Variants in CPNE8 observed in about 807,000 individuals in gnomAD.
CPNE8 encodes copine 8, also known as copine-8.
In CPNE8, 45 loss-of-function variants were observed where a neutral mutation model predicts 81.5. The observed-to-expected ratio is 0.55, with a 90% confidence interval of 0.44 to 0.71. The LOEUF (loss-of-function observed/expected upper bound fraction) is 0.71, where lower values mean the gene tolerates loss of function less well. Ranked by LOEUF, CPNE8 falls within the 30% of genes least tolerant of loss-of-function variation. The pLI is 0.00. For missense variants in CPNE8, 594 were observed against 672.1 expected (o/e 0.88, Z 1.28); for synonymous variants, 252 against 226.3 (o/e 1.11, Z -1.02).
chr12:38,844,007 G>C (rs2137048915), intron 4 of CPNE8, among the ~76,000 whole-genome samples: 1 of 152,274 alleles, frequency 6.6e-6, no homozygotes, highest in East Asian at 1.9e-4. Flanking sequence ...CTTCGACATT[G>C]TTAAGGGAGC....
chr12:38,724,917 A>C lies in CPNE8; in HGVS notation c.799-18T>G. 6.6e-7 allele frequency: 1 copy of C among 1,519,092 alleles called. No homozygotes were observed. Among genetic ancestry groups the C allele is most frequent in the Non-Finnish European group, 9.0e-7 (1 of 1,106,452 alleles). The allele number at this position is 1,519,092 out of a possible 1,614,324, so 94.1% of individuals were successfully genotyped here. On this transcript the variant is annotated intron_variant, in intron 11 of 19. Transcript: ENST00000331366. ...TTCACCACCTTAAAAAGCAGATAAA[A>C]CAATTAAAATGTGTTAGGTTTTATA...
intron 16 of CPNE8, chr12:38,679,595 T>C (rs1310019104): frequency 2.0e-6 from 2 of 985,040 alleles, no homozygotes; most frequent in South Asian, 4.7e-5. Context: ...TTTTAAGTTC[T>C]GTCCAATCCA....
chr12:38,691,947 A>C (rs1352645016), intron 15 of CPNE8, among the ~76,000 whole-genome samples: 2 of 152,174 alleles, frequency 1.3e-5, no homozygotes, highest in Non-Finnish European at 2.9e-5. Flanking sequence ...TGGAGAGGAC[A>C]GACTGAAACC....
chr12:38,851,969 C>A (rs1313809662), intron 3 of CPNE8, among the ~76,000 whole-genome samples: 2 of 152,134 alleles, frequency 1.3e-5, no homozygotes, highest in African/African-American at 4.8e-5. Context: ...ATGTTCTTAA[C>A]CCCATCCTTG....
At chr12:38,742,457 C>T (rs959112216) in intron 10 of CPNE8, among the ~76,000 whole-genome samples, 6 of 148,748 alleles carry the variant, frequency 4.0e-5, no homozygotes, top group Non-Finnish European at 7.4e-5. Flanking sequence ...CATGTTCTCA[C>T]TCACAGGTTG....
chr12:38,679,116 A>T (rs993114653), intron 16 of CPNE8, among the ~76,000 whole-genome samples: 4 of 151,896 alleles, frequency 2.6e-5, no homozygotes, highest in African/African-American at 4.8e-5. Context: ...CATGAGAATA[A>T]TGAAAGACTC....
intron 6 of CPNE8, among the ~76,000 whole-genome samples, chr12:38,795,874 T>TAGATAGATAGAC (rs1418593688): frequency 4.6e-5 from 7 of 151,542 alleles, no homozygotes; most frequent in Admixed American, 2.6e-4. Flanking sequence ...GATGGATAGA[T>TAGATAGATAGAC]AGATAGATAG....
intron 5 of CPNE8, among the ~76,000 whole-genome samples, chr12:38,830,759 T>C (rs7315047): frequency 0.21 from 32,628 of 152,108 alleles, 6,121 homozygotes; most frequent in African/African-American, 0.51. Context: ...AAAGCCAACC[T>C]ATGGTGAGGA....
chr12:38,898,900 T>A (rs1337233698), intron 1 of CPNE8, among the ~76,000 whole-genome samples: 1 of 152,158 alleles, frequency 6.6e-6, no homozygotes, highest in Non-Finnish European at 1.5e-5. Flanking sequence ...GCAAAGGATA[T>A]GCCACCAGTG....
intron 2 of CPNE8, among the ~76,000 whole-genome samples, chr12:38,873,989 T>G (rs1944028163): frequency 6.6e-6 from 1 of 151,394 alleles, no homozygotes; most frequent in African/African-American, 2.4e-5. Context: ...CGGGGTTGGG[T>G]GGGTCTCACT....
intron 19 of CPNE8, among the ~76,000 whole-genome samples, chr12:38,662,695 C>T (rs2136636419): frequency 6.6e-6 from 1 of 152,034 alleles, no homozygotes; most frequent in East Asian, 1.9e-4. Flanking sequence ...AATTCTGAGC[C>T]ACAAGAAGAA....
At chr12:38,899,124 C>G (rs144796560) in intron 1 of CPNE8, among the ~76,000 whole-genome samples, 1 of 152,180 alleles carries the variant, frequency 6.6e-6, no homozygotes, top group Non-Finnish European at 1.5e-5. Context: ...GAACTTGACA[C>G]TACCACTTCT....
At chr12:38,735,359 G>C (rs1158367336) in intron 10 of CPNE8, among the ~76,000 whole-genome samples, 1 of 152,032 alleles carries the variant, frequency 6.6e-6, no homozygotes, top group Non-Finnish European at 1.5e-5. Context: ...GTTTAAATCT[G>C]TATTTGTGGG....
intron 17 of CPNE8, among the ~76,000 whole-genome samples, chr12:38,676,843 C>T (rs756515148): frequency 1.7e-4 from 26 of 152,086 alleles, no homozygotes; most frequent in Non-Finnish European, 1.2e-4. Context: ...TTACCAAGTC[C>T]ATATTTTAAA....
At chr12:38,793,105 C>T (rs1942365626) in intron 6 of CPNE8, among the ~76,000 whole-genome samples, 1 of 151,442 alleles carries the variant, frequency 6.6e-6, no homozygotes. Flanking sequence ...ATGAAAAGTC[C>T]ACAGCAACCA....
intron 6 of CPNE8, among the ~76,000 whole-genome samples, chr12:38,826,433 A>G (rs953931122): frequency 2.0e-5 from 3 of 152,216 alleles, no homozygotes; most frequent in Non-Finnish European, 4.4e-5. Context: ...CCCTCATTAC[A>G]CTATATGAAA....
intron 6 of CPNE8, among the ~76,000 whole-genome samples, chr12:38,784,345 A>T (rs994077853): frequency 7.9e-5 from 12 of 152,162 alleles, no homozygotes; most frequent in Admixed American, 3.3e-4. Context: ...AGAATGAAAA[A>T]CAAAAAAGCA....
chr12:38,788,642 G>A (rs765711489), intron 6 of CPNE8, among the ~76,000 whole-genome samples: 1 of 151,468 alleles, frequency 6.6e-6, no homozygotes, highest in Non-Finnish European at 1.5e-5. Context: ...AGGTATAGAA[G>A]GCATCCAAAT....
chr12:38,793,731 T>C (rs1162676036), intron 6 of CPNE8, among the ~76,000 whole-genome samples: 3 of 151,902 alleles, frequency 2.0e-5, no homozygotes, highest in Non-Finnish European at 4.4e-5. Flanking sequence ...CAATCTATAA[T>C]TCATATAGAA....
Sources: gnomAD v4.1 joint callset for allele counts (sites outside exome capture counted in the v4.1 genomes callset) on GRCh38, gnomAD v4.1.1 for gene constraint, MANE v1.5 for transcripts, NCBI Gene and HGNC (gene_info 2026-07-23, HGNC 2026-07-21) for gene names.